Variants in KIN observed in about 807,000 individuals in gnomAD.
The protein encoded by KIN is Kin17 DNA and RNA binding protein, also known as DNA/RNA-binding protein KIN17.
In KIN, 47 loss-of-function variants were observed where a neutral mutation model predicts 63.0. That is an observed-to-expected ratio of 0.75 (90% CI 0.59 to 0.95). The LOEUF (loss-of-function observed/expected upper bound fraction) is 0.95, where lower values mean the gene tolerates loss of function less well. Among genes scored for constraint, KIN ranks in the 40% least tolerant of loss-of-function variants. The pLI is 0.00. For synonymous variants in KIN, 160 were observed against 157.7 expected, an observed-to-expected ratio of 1.01 and a Z score of -0.11; for missense variants, 408 against 460.9, an observed-to-expected ratio of 0.89 and a Z score of 1.05.
chr10:7,780,205 T>A, intron 3 of KIN, 27 bp from the exon 4 acceptor site: 3 of 1,611,564 alleles, frequency 1.9e-6, no homozygotes, highest in Non-Finnish European at 2.5e-6. Flanking sequence ...ACACTGATGA[T>A]CATCAGAAGA....
chr10:7,771,619 G>A (rs750830746), intron 7 of KIN, among the ~76,000 whole-genome samples: 19 of 152,220 alleles, frequency 1.2e-4, no homozygotes, highest in Non-Finnish European at 2.5e-4. Flanking sequence ...TGGGCCGGGC[G>A]CGGTGGCTCA....
rs369408063 is a variant in KIN at position 7,778,807 on chromosome 10, G to T, written c.558+31C>A. ...ATTGTGCTTCTTTAGACCTCTGGAC[G>T]TTGCTTCTCAGGATGATGTTGCTTA... On this transcript the variant is annotated intron_variant, in intron 5 of 12. Transcript: ENST00000379562. 5 of 1,602,602 alleles carry T rather than the reference G, an allele frequency of 3.1e-6. No homozygotes were observed. In the East Asian group the frequency reaches 8.9e-5, roughly 29 times the overall value.
intron 9 of KIN, among the ~76,000 whole-genome samples, chr10:7,765,457 A>C (rs933133899): frequency 6.6e-6 from 1 of 152,208 alleles, no homozygotes; most frequent in African/African-American, 2.4e-5. Flanking sequence ...AGAATAAGAC[A>C]CTCTGAAAGT....
chr10:7,761,284 G>T (rs1401782989), intron 11 of KIN: 1 of 152,090 alleles, frequency 6.6e-6, no homozygotes, highest in Non-Finnish European at 1.5e-5. Context: ...TTTTACTTTA[G>T]GGGGAAAAAG....
intron 7 of KIN, among the ~76,000 whole-genome samples, chr10:7,770,887 T>A (rs1447640957): frequency 6.6e-6 from 1 of 152,212 alleles, no homozygotes; most frequent in Non-Finnish European, 1.5e-5. Flanking sequence ...AAGCTTGAAG[T>A]CAACTAAAAC....
rs1279771371 is a variant in KIN at position 7,785,268 on chromosome 10, AT to A, written c.115-2094del. Reference sequence around the variant, plus strand: ...CCTTGTCTCAAAAAAAAAAAAAAAAATCATATTCCTCCCTGCAAATGTTTAA... The same window carrying A: ...CCTTGTCTCAAAAAAAAAAAAAAAAACATATTCCTCCCTGCAAATGTTTAA... On this transcript the variant is annotated intron_variant, in intron 1 of 12. Coordinates refer to ENST00000379562, the MANE Select transcript of KIN (RefSeq NM_012311.4). Among the ~76,000 whole-genome samples the A allele has an allele frequency of 2.4e-4, 36 of 151,820 alleles. No individual in the cohort carries two copies. In the East Asian group the frequency reaches 6.6e-3, roughly 28 times the overall value.
At chr10:7,771,161 A>G (rs12359107) in intron 7 of KIN, among the ~76,000 whole-genome samples, 30,301 of 152,162 alleles carry the variant, frequency 0.2, 3,102 homozygotes, top group Admixed American at 0.25. Flanking sequence ...AAGCTCCTCA[A>G]CTTGCTACTT....
intron 4 of KIN, among the ~76,000 whole-genome samples, chr10:7,779,533 C>T (rs1313796957): frequency 2.0e-5 from 3 of 152,054 alleles, no homozygotes; most frequent in Non-Finnish European, 2.9e-5. Context: ...TTCAACCAAC[C>T]GTGGGTGAGA....
At chr10:7,774,730 C>A in intron 7 of KIN, 101 bp downstream of exon 7, 16 of 939,402 alleles carry the variant, frequency 1.7e-5, no homozygotes, top group South Asian at 6.3e-5. Flanking sequence ...CAGGTGAAAA[C>A]TACAACTAGA....
chr10:7,780,279 GA>G lies in KIN; in HGVS notation c.237del (p.Leu80SerfsTer28). The G allele has an allele frequency of 6.2e-7, 1 of 1,607,192 alleles. No homozygotes were observed. The highest frequency in any genetic ancestry group is 1.1e-5 in the South Asian group (1 of 89,960). On this transcript the variant is annotated frameshift_variant, in exon 3 of 13. Transcript: ENST00000379562. LOFTEE classifies it high-confidence loss of function. ...AAATGTTTACCAAAGCGTCTCCTGA[GA>G]AGTTCTAGAAAGTCATTTCGGAATT... ...SEEFRNDFLE[L>X]LRRRFGTKRV...
chr10:7,775,114 A>T (rs1332639858), intron 6 of KIN, among the ~76,000 whole-genome samples: 1 of 152,204 alleles, frequency 6.6e-6, no homozygotes, highest in Non-Finnish European at 1.5e-5. Flanking sequence ...GGCAGACCAC[A>T]CCGGCGCTTC....
intron 8 of KIN, among the ~76,000 whole-genome samples, chr10:7,767,894 G>T (rs1011481127): frequency 6.6e-5 from 10 of 150,700 alleles, no homozygotes; most frequent in Non-Finnish European, 1.2e-4. Context: ...AGACTGGACG[G>T]CATTTTCTAT....
chr10:7,774,537 C>G (rs1230943113), intron 7 of KIN, among the ~76,000 whole-genome samples: 2 of 151,838 alleles, frequency 1.3e-5, no homozygotes, highest in Non-Finnish European at 2.9e-5. Flanking sequence ...AGAACAGTTG[C>G]TAGCTGGGCA....
intron 11 of KIN, 83 bp from the exon 12 acceptor site, chr10:7,760,073 C>G (rs979079877): frequency 3.1e-6 from 2 of 653,988 alleles, no homozygotes; most frequent in African/African-American, 3.8e-5. Flanking sequence ...ATGTACTACA[C>G]TGAATAAACA....
rs1835251946 is a variant in KIN, at chr10:7,751,957, C to T, written c.*4123G>A. Reference sequence around the variant, plus strand: ...GGCTGAGGCAGGAGAATGGCGTGAACCCGGGAAGCGGAGCTTGCAGTGAGC... The same window carrying T: ...GGCTGAGGCAGGAGAATGGCGTGAATCCGGGAAGCGGAGCTTGCAGTGAGC... On this transcript the variant is annotated 3_prime_UTR_variant, in exon 13 of 13. Transcript: ENST00000379562. 5.5e-5 allele frequency: 1 copy of T among 18,142 alleles called. No homozygotes were observed. The highest frequency in any genetic ancestry group is 9.1e-5 in the Non-Finnish European group (1 of 10,938). 1.1% of individuals were successfully genotyped at this position (18,142 alleles called of 1,614,324 possible).
At chr10:7,785,851 G>T (rs935474941) in intron 1 of KIN, among the ~76,000 whole-genome samples, 4 of 151,834 alleles carry the variant, frequency 2.6e-5, no homozygotes, top group Non-Finnish European at 5.9e-5. Context: ...AGGGAAAATG[G>T]GTTATATTCT....
At position 7,780,243 on chromosome 10, in the gene KIN, C is replaced by T. The variant is rs777464770; in HGVS notation, c.253+21G>A. The T allele has an allele frequency of 3.1e-6, 5 of 1,609,758 alleles. No individual in the cohort carries two copies. In the Admixed American group the frequency reaches 8.5e-5, roughly 27 times the overall value. On this transcript the variant is annotated intron_variant, in intron 3 of 12. Coordinates refer to ENST00000379562, the MANE Select transcript of KIN (RefSeq NM_012311.4). The stretch of plus-strand genomic sequence containing the variant: ...ATGCCATTTATAAAGCTGTTATTTG[C>T]ACAATATTTAAAATGTTTACCAAAG...
rs761907223 is a variant in KIN, at chr10:7,769,343, G to C, written c.671C>G (p.Thr224Ser). The part of the protein sequence containing the change: ...SSGATSSKSS[T>S]LGPSALKTIG... ...CGTCTTCAGTGCACTCGGTCCCAGA[G>C]TACTGATGAACAGGAGAACCATGCT... Residue 224 changes from threonine to serine, a missense_variant and splice_region_variant, in exon 8 of 13, where the codon ACT becomes AGT. Transcript: ENST00000379562. 1.2e-6 allele frequency: 2 copies of C among 1,611,198 alleles called. No individual in the cohort carries two copies. The highest frequency in any genetic ancestry group is 1.3e-5 in the African/African-American group (1 of 74,700).
intron 5 of KIN, among the ~76,000 whole-genome samples, chr10:7,778,051 C>T (rs1158789557): frequency 1.3e-5 from 2 of 152,140 alleles, no homozygotes; most frequent in African/African-American, 2.4e-5. Context: ...TATTCTAACA[C>T]CTCAGCTCCT....
Sources: gnomAD v4.1 joint callset for allele counts (sites outside exome capture counted in the v4.1 genomes callset) on GRCh38, gnomAD v4.1.1 for gene constraint, MANE v1.5 for transcripts, NCBI Gene and HGNC (gene_info 2026-07-23, HGNC 2026-07-21) for gene names.